The following ASAP2 variants were observed in gnomAD, a reference collection of about 807,000 sequenced individuals.
ASAP2 encodes arf-GAP with SH3 domain, ANK repeat and PH domain-containing protein 2.
Under a neutral mutation model 131.4 loss-of-function variants are expected in ASAP2, and 45 were observed. The observed-to-expected ratio is 0.34, with a 90% CI of 0.27 to 0.44. ASAP2 has a LOEUF of 0.44. Among genes scored for constraint, ASAP2 ranks in the 20% least tolerant of loss-of-function variants. ASAP2 has a pLI of 1.00. For missense variants in ASAP2, 1,011 were observed against 1,297.0 expected (o/e 0.78, Z 3.39); for synonymous variants, 510 against 503.0 (o/e 1.01, Z -0.19).
intron 3 of ASAP2, among the ~76,000 whole-genome samples, chr2:9,301,200 C>G (rs1479851787): frequency 2.0e-5 from 3 of 152,210 alleles, no homozygotes; most frequent in Non-Finnish European, 4.4e-5. Flanking sequence ...ACAGTGCTAC[C>G]TCTTGTCCAG....
Position 9,207,522 on chromosome 2 carries a change from G to A in ASAP2, c.126+292G>A, listed in dbSNP as rs901808547. Among the ~76,000 whole-genome samples, 1 of 152,078 alleles carries A rather than the reference G, an allele frequency of 6.6e-6. No homozygotes were observed. The highest frequency in any genetic ancestry group is 1.9e-4 in the East Asian group (1 of 5,170). On this transcript the variant is annotated intron_variant, in intron 1 of 27. Coordinates refer to ENST00000281419, the MANE Select transcript of ASAP2 (RefSeq NM_003887.3). The surrounding 1 kb of genome is among the most constrained non-coding windows in gnomAD (Gnocchi z 4.1). Reference sequence around the variant, plus strand: ...GCGGCCAACTTTGTCCAGAGTCGGGGTCCGCGGCGAGCGGGGGATCCCGCT... The same window carrying A: ...GCGGCCAACTTTGTCCAGAGTCGGGATCCGCGGCGAGCGGGGGATCCCGCT...
intron 18 of ASAP2, among the ~76,000 whole-genome samples, chr2:9,377,731 T>C (rs1264480456): frequency 6.6e-6 from 1 of 152,118 alleles, no homozygotes; most frequent in Non-Finnish European, 1.5e-5. Context: ...GCAAAAGCCA[T>C]GGGATAGTTT....
intron 1 of ASAP2, among the ~76,000 whole-genome samples, chr2:9,277,715 C>T (rs1666846994): frequency 6.6e-6 from 1 of 152,232 alleles, no homozygotes. Flanking sequence ...GGACACATCA[C>T]TCTCACCTAT....
intron 6 of ASAP2, among the ~76,000 whole-genome samples, chr2:9,326,708 A>G (rs1670503379): frequency 6.6e-6 from 1 of 152,118 alleles, no homozygotes; most frequent in African/African-American, 2.4e-5. Context: ...TTCACTCTCT[A>G]GTATGTTGAT....
Position 9,277,758 on chromosome 2 carries a change from C to T in ASAP2, c.127-1559C>T, listed in dbSNP as rs568777219. 1.6e-4 allele frequency among the ~76,000 whole-genome samples: 25 copies of T among 152,332 alleles called. 1 individual carries two copies. The South Asian group carries it at 2.1e-3, about 13-fold the overall frequency. On this transcript the variant is annotated intron_variant, in intron 1 of 27. Transcript: ENST00000281419. ...CTTCACCTTAGGGCTCACTCTTGTA[C>T]ATTCCATGGGCTTGGACAAATGTAT...
chr2:9,368,402 G>A, intron 15 of ASAP2, 23 bp from the exon 16 acceptor site: 1 of 1,603,640 alleles, frequency 6.2e-7, no homozygotes, highest in Non-Finnish European at 8.5e-7. Flanking sequence ...TGAGTATCCT[G>A]AAATAGACTT....
Position 9,379,078 on chromosome 2 carries a change from C to T in ASAP2, c.1948+19C>T, listed in dbSNP as rs749556478. The T allele has an allele frequency of 5.4e-5, 80 of 1,489,294 alleles. No homozygotes were observed. Among genetic ancestry groups the T allele is most frequent in the African/African-American group, 7.2e-5 (5 of 69,862 alleles). The allele number at this position is 1,489,294 out of a possible 1,614,324, so 92.3% of individuals were successfully genotyped here. A position where few individuals can be genotyped will look rare whatever the true frequency, so the allele number is the denominator to read the frequency against. On this transcript the variant is annotated intron_variant, in intron 19 of 27. Coordinates refer to ENST00000281419, the MANE Select transcript of ASAP2 (RefSeq NM_003887.3). The stretch of plus-strand genomic sequence containing the variant: ...GAGATAGGTGAGTGGGCCCGGGCCC[C>T]GGGGGTGGGCTCAGCTGCACCCTGG...
chr2:9,388,176 A>G (rs1221584019), intron 21 of ASAP2, 118 bp from the exon 22 acceptor site: 2 of 1,342,042 alleles, frequency 1.5e-6, no homozygotes, highest in African/African-American at 3.0e-5. Flanking sequence ...TGAGAGCTCA[A>G]ATGGTACCAG....
At chr2:9,388,041 A>T (rs1341222935) in intron 21 of ASAP2, among the ~76,000 whole-genome samples, 1 of 152,204 alleles carries the variant, frequency 6.6e-6, no homozygotes. Context: ...TTACAATTCG[A>T]GGTGAGATTT....
intron 19 of ASAP2, among the ~76,000 whole-genome samples, chr2:9,380,475 G>A (rs61540303): frequency 0.01 from 1,556 of 152,310 alleles, 23 homozygotes; most frequent in African/African-American, 0.028. Context: ...TGGGATTACA[G>A]GCGTGAGCCA....
At chr2:9,298,989 A>G (rs1233888745) in intron 3 of ASAP2, among the ~76,000 whole-genome samples, 2 of 152,220 alleles carry the variant, frequency 1.3e-5, no homozygotes, top group East Asian at 3.9e-4. Context: ...TCCAACAGGA[A>G]GGGCTGGAGT....
At chr2:9,249,592 C>A (rs1213052867) in intron 1 of ASAP2, among the ~76,000 whole-genome samples, 1 of 152,212 alleles carries the variant, frequency 6.6e-6, no homozygotes, top group Non-Finnish European at 1.5e-5. Context: ...GCCAGGCTGA[C>A]CCATCACATA....
chr2:9,401,529 C>A, intron 27 of ASAP2, 133 bp downstream of exon 27: 1 of 1,192,426 alleles, frequency 8.4e-7, no homozygotes. Context: ...TGCCTCCGCC[C>A]CTTAGCATCC....
intron 3 of ASAP2, among the ~76,000 whole-genome samples, chr2:9,299,108 A>C (rs760771690): frequency 1.3e-5 from 2 of 152,212 alleles, no homozygotes; most frequent in Admixed American, 6.5e-5. Context: ...TGTTTTAGAA[A>C]GAGAGAAGGT....
chr2:9,253,069 A>G (rs535785673), intron 1 of ASAP2, among the ~76,000 whole-genome samples: 2 of 152,324 alleles, frequency 1.3e-5, no homozygotes, highest in East Asian at 3.9e-4. Context: ...CGAGGCAACA[A>G]AGAAACGAAA....
At chr2:9,325,240 T>C (rs1042094618) in intron 6 of ASAP2, among the ~76,000 whole-genome samples, 4 of 152,178 alleles carry the variant, frequency 2.6e-5, no homozygotes, top group African/African-American at 9.7e-5. Context: ...CCATGTATAA[T>C]ACCACCTTCC....
intron 16 of ASAP2, among the ~76,000 whole-genome samples, chr2:9,374,297 G>A (rs891603052): frequency 6.6e-6 from 1 of 152,236 alleles, no homozygotes; most frequent in Non-Finnish European, 1.5e-5. Context: ...AGGAGCTCAT[G>A]GGCCTGTCGG....
intron 16 of ASAP2, among the ~76,000 whole-genome samples, chr2:9,373,065 C>T (rs1334523707): frequency 6.6e-6 from 1 of 152,140 alleles, no homozygotes; most frequent in African/African-American, 2.4e-5. Flanking sequence ...GTATCTCACA[C>T]ACAAGTCAGC....
At chr2:9,260,667 C>G (rs1665516413) in intron 1 of ASAP2, among the ~76,000 whole-genome samples, 1 of 152,156 alleles carries the variant, frequency 6.6e-6, no homozygotes, top group Non-Finnish European at 1.5e-5. Context: ...CTTCTCCCTT[C>G]CCTATTCTGG....
Sources: allele counts gnomAD v4.1 joint callset (sites outside exome capture counted in the v4.1 genomes callset), GRCh38; gene constraint gnomAD v4.1.1; non-coding constraint Gnocchi (gnomAD v3.1); transcripts MANE v1.5; gene names NCBI Gene and HGNC (gene_info 2026-07-23, HGNC 2026-07-21).